Variants in CD96 observed in about 807,000 individuals in gnomAD.
CD96 encodes T-cell surface protein tactile.
A neutral mutation model predicts 71.3 loss-of-function variants in CD96; 70 were observed. The observed-to-expected ratio is 0.98, with a 90% CI of 0.81 to 1.20. The LOEUF (loss-of-function observed/expected upper bound fraction) is 1.20. CD96 is among the 50% of genes most tolerant of loss of function. The pLI is 0.00. For missense variants in CD96, 742 were observed against 677.5 expected (o/e 1.10, Z -1.06); for synonymous variants, 248 against 233.0 (o/e 1.06, Z -0.59).
Position 111,606,735 on chromosome 3 carries a change from G to GT in CD96, c.1125dup (p.Thr376TyrfsTer6). On this transcript the variant is annotated frameshift_variant, in exon 8 of 14. Transcript: ENST00000352690. LOFTEE classifies it high-confidence loss of function. Reference sequence around the variant, plus strand: ...TTCCTCAACAGACCCTCCACTGAGTGTTACAGAATCTACCCTTGACACCCA... The same window carrying GT: ...TTCCTCAACAGACCCTCCACTGAGTGTTTACAGAATCTACCCTTGACACCCA... The GT allele has an allele frequency of 6.2e-7, 1 of 1,606,674 alleles. No homozygotes were observed. Among genetic ancestry groups the GT allele is most frequent in the South Asian group, 1.1e-5 (1 of 90,932 alleles).
chr3:111,625,052 C>T (rs1938682928), intron 10 of CD96, among the ~76,000 whole-genome samples: 1 of 152,110 alleles, frequency 6.6e-6, no homozygotes, highest in Non-Finnish European at 1.5e-5. Flanking sequence ...GCCACAGGGC[C>T]AGAACTCTGA....
intron 8 of CD96, among the ~76,000 whole-genome samples, chr3:111,618,260 C>T (rs1382127292): frequency 1.3e-5 from 2 of 152,224 alleles, no homozygotes; most frequent in African/African-American, 4.8e-5. Context: ...GAGCAATACT[C>T]AGGCAGAAGG....
intron 3 of CD96, 69 bp downstream of exon 3, chr3:111,567,716 C>T: frequency 7.4e-7 from 1 of 1,346,484 alleles, no homozygotes; most frequent in Non-Finnish European, 1.1e-6. Flanking sequence ...AATGAATAAG[C>T]AGTAATAATA....
At chr3:111,613,214 A>C (rs568034184) in intron 8 of CD96, among the ~76,000 whole-genome samples, 2 of 152,170 alleles carry the variant, frequency 1.3e-5, no homozygotes, top group Non-Finnish European at 2.9e-5. Context: ...AAAAGCTATC[A>C]GTTGACCTAT....
intron 8 of CD96, among the ~76,000 whole-genome samples, chr3:111,622,422 C>G (rs1032121899): frequency 1.3e-5 from 2 of 152,192 alleles, no homozygotes; most frequent in East Asian, 3.8e-4. Context: ...ATGTATGACT[C>G]TTTTAATCAT....
chr3:111,571,004 C>T (rs2107558589), intron 3 of CD96: 1 of 1,452,468 alleles, frequency 6.9e-7, no homozygotes, highest in Non-Finnish European at 9.7e-7. Context: ...TCTCCTGCTC[C>T]TCCAGCTTCT....
intron 10 of CD96, among the ~76,000 whole-genome samples, chr3:111,629,082 A>G (rs1195737874): frequency 1.3e-5 from 2 of 152,252 alleles, no homozygotes; most frequent in African/African-American, 4.8e-5. Context: ...CAGGCCATTG[A>G]CATTATGAAG....
At chr3:111,593,926 G>T in intron 5 of CD96, 1 of 1,613,742 alleles carries the variant, frequency 6.2e-7, no homozygotes, top group Non-Finnish European at 8.5e-7. Flanking sequence ...TGGTGCCCAC[G>T]TTGACCCCAG....
chr3:111,619,950 C>T (rs1445344874), intron 8 of CD96, among the ~76,000 whole-genome samples: 1 of 152,212 alleles, frequency 6.6e-6, no homozygotes, highest in Non-Finnish European at 1.5e-5. Context: ...CCCCACCTAG[C>T]TCTCACATCC....
intron 2 of CD96, among the ~76,000 whole-genome samples, chr3:111,565,822 T>C (rs948651443): frequency 2.0e-5 from 3 of 151,694 alleles, no homozygotes; most frequent in Non-Finnish European, 4.4e-5. Context: ...AACCACTATT[T>C]GGAAATGCTG....
chr3:111,597,446 T>C (rs1341351489), intron 5 of CD96, among the ~76,000 whole-genome samples: 2 of 152,236 alleles, frequency 1.3e-5, no homozygotes, highest in Admixed American at 6.5e-5. Flanking sequence ...AAAAAATATG[T>C]TGGACTGAGA....
At chr3:111,626,273 C>T (rs1479210395) in intron 10 of CD96, among the ~76,000 whole-genome samples, 1 of 137,572 alleles carries the variant, frequency 7.3e-6, no homozygotes, top group Non-Finnish European at 1.5e-5. Context: ...CGCCACTGCA[C>T]TCCAGCCTGG....
chr3:111,647,800 A>G (rs1939904022), intron 13 of CD96, 134 bp downstream of exon 13: 2 of 693,750 alleles, frequency 2.9e-6, no homozygotes, highest in African/African-American at 1.8e-5. Flanking sequence ...AAGCTCAGAG[A>G]GATTATATAG....
rs147488602 is a variant in CD96, at chr3:111,593,840, C to T, written c.808-4280C>T. ...GGGCCCGTGGGGCCTTGGATCCTGG[C>T]GCTGCCCAGCCTGACCATGGCCACT... On this transcript the variant is annotated intron_variant, in intron 5 of 13. Transcript: ENST00000352690. The T allele has an allele frequency of 9.4e-5, 152 of 1,613,990 alleles. No individual in the cohort carries two copies. The highest frequency in any genetic ancestry group is 3.3e-4 in the Middle Eastern group (2 of 6,060).
At chr3:111,556,251 T>C (rs1033874350) in intron 2 of CD96, among the ~76,000 whole-genome samples, 3 of 40,010 alleles carry the variant, frequency 7.5e-5, no homozygotes, top group Non-Finnish European at 1.8e-4. Flanking sequence ...ATGTGCACAT[T>C]GTGCAGGTTA....
At chr3:111,631,048 T>C (rs1238121578) in intron 10 of CD96, among the ~76,000 whole-genome samples, 1 of 152,200 alleles carries the variant, frequency 6.6e-6, no homozygotes, top group Non-Finnish European at 1.5e-5. Flanking sequence ...AATATCATGC[T>C]GAATGGGCAA....
chr3:111,636,139 GAAACCACT>G (rs1280502047), intron 10 of CD96, among the ~76,000 whole-genome samples: 1 of 152,134 alleles, frequency 6.6e-6, no homozygotes, highest in Non-Finnish European at 1.5e-5. Context: ...AGCTGTGTAT[GAAACCACT>G]CTTACTTCTC....
intron 10 of CD96, among the ~76,000 whole-genome samples, chr3:111,626,194 G>A (rs149947509): frequency 0.021 from 3,216 of 151,684 alleles, 130 homozygotes; most frequent in African/African-American, 0.075. Context: ...CCAGCTACTC[G>A]GGAGGCTGAG....
intron 7 of CD96, among the ~76,000 whole-genome samples, chr3:111,603,580 T>C (rs1052948399): frequency 2.0e-5 from 3 of 152,212 alleles, no homozygotes; most frequent in Non-Finnish European, 2.9e-5. Flanking sequence ...AGACATTTTG[T>C]CTTGTTTTAA....
Sources: allele counts gnomAD v4.1 joint callset (sites outside exome capture counted in the v4.1 genomes callset), GRCh38; gene constraint gnomAD v4.1.1; transcripts MANE v1.5; gene names NCBI Gene and HGNC (gene_info 2026-07-23, HGNC 2026-07-21).